Variants in EYS observed in about 807,000 individuals in gnomAD.
The protein encoded by EYS is EGF-like photoreceptor maintenance factor.
Under a neutral mutation model 282.1 loss-of-function variants are expected in EYS, and 250 were observed. The ratio of observed to expected loss-of-function variants is 0.89; its 90% CI spans 0.80 to 0.98. EYS has a LOEUF of 0.98. Ranked by LOEUF, EYS falls within the 50% of genes least tolerant of loss-of-function variation. The pLI is 0.00. For missense variants in EYS, 4,016 were observed against 3,709.0 expected (o/e 1.08, Z -2.15); for synonymous variants, 1,355 against 1,282.9 (o/e 1.06, Z -1.20).
intron 31 of EYS, among the ~76,000 whole-genome samples, chr6:64,112,747 C>G (rs1002329044): frequency 2.0e-5 from 3 of 148,504 alleles, no homozygotes; most frequent in Non-Finnish European, 4.5e-5. Context: ...TATATATCTT[C>G]TATATATCTA....
intron 29 of EYS, among the ~76,000 whole-genome samples, chr6:64,322,231 G>A (rs536925388): frequency 1.3e-5 from 2 of 151,988 alleles, no homozygotes; most frequent in Non-Finnish European, 2.9e-5. Flanking sequence ...CTCAGAAAAG[G>A]TGTGCTTTAA....
intron 6 of EYS, among the ~76,000 whole-genome samples, chr6:65,404,633 T>C (rs1347949791): frequency 1.3e-5 from 2 of 151,986 alleles, no homozygotes; most frequent in African/African-American, 4.8e-5. Context: ...CTGTATATTA[T>C]GTTCTATATA....
At chr6:64,079,948 T>G (rs1771906820) in intron 32 of EYS, among the ~76,000 whole-genome samples, 1 of 152,222 alleles carries the variant, frequency 6.6e-6, no homozygotes, top group South Asian at 2.1e-4. Context: ...TGTGCCACAT[T>G]TTCTTAATCC....
chr6:65,066,021 T>G (rs1029896917), intron 12 of EYS, among the ~76,000 whole-genome samples: 2 of 152,168 alleles, frequency 1.3e-5, no homozygotes, highest in Non-Finnish European at 2.9e-5. Flanking sequence ...CATCTTGGTT[T>G]AATTAGTTCA....
At chr6:64,265,455 A>G (rs1201845526) in intron 30 of EYS, among the ~76,000 whole-genome samples, 2 of 152,182 alleles carry the variant, frequency 1.3e-5, no homozygotes, top group African/African-American at 2.4e-5. Context: ...TTGACTTTGA[A>G]TGAAGTTTCT....
At chr6:65,025,865 A>G (rs1328547496) in intron 13 of EYS, among the ~76,000 whole-genome samples, 2 of 152,228 alleles carry the variant, frequency 1.3e-5, no homozygotes, top group Non-Finnish European at 2.9e-5. Flanking sequence ...GAGGACCATT[A>G]GAAAAAACTC....
intron 8 of EYS, among the ~76,000 whole-genome samples, chr6:65,367,203 A>G (rs1764945090): frequency 6.6e-6 from 1 of 151,496 alleles, no homozygotes; most frequent in South Asian, 2.1e-4. Flanking sequence ...TATTTGTGAA[A>G]CTCCTTCTAA....
At chr6:64,804,548 C>CT (rs955862988) in intron 22 of EYS, among the ~76,000 whole-genome samples, 7 of 152,034 alleles carry the variant, frequency 4.6e-5, no homozygotes, top group East Asian at 1.9e-4. Context: ...AAATTGTCTA[C>CT]TTTTTTTTCC....
intron 36 of EYS, among the ~76,000 whole-genome samples, chr6:63,825,491 T>C (rs1771435577): frequency 6.6e-6 from 1 of 152,174 alleles, no homozygotes; most frequent in Non-Finnish European, 1.5e-5. Context: ...ACAGAGTCCA[T>C]CGTGCCCTTC....
intron 26 of EYS, among the ~76,000 whole-genome samples, chr6:64,492,421 C>T (rs992969619): frequency 6.6e-6 from 1 of 150,824 alleles, no homozygotes; most frequent in African/African-American, 2.4e-5. Context: ...TGCCCCTTTG[C>T]TTACATATGG....
At chr6:64,632,477 C>T (rs746789908) in intron 22 of EYS, among the ~76,000 whole-genome samples, 10 of 151,862 alleles carry the variant, frequency 6.6e-5, no homozygotes, top group Non-Finnish European at 1.3e-4. Flanking sequence ...GGAATTTTTG[C>T]CTTGTTTTTA....
intron 12 of EYS, among the ~76,000 whole-genome samples, chr6:65,190,864 A>C (rs755146583): frequency 6.6e-6 from 1 of 151,846 alleles, no homozygotes; most frequent in Non-Finnish European, 1.5e-5. Flanking sequence ...GCATGATAAC[A>C]TGTAGGTGTG....
At chr6:63,863,866 G>A (rs961965174) in intron 36 of EYS, among the ~76,000 whole-genome samples, 2 of 151,820 alleles carry the variant, frequency 1.3e-5, no homozygotes, top group Non-Finnish European at 2.9e-5. Flanking sequence ...AGTAGAGACG[G>A]GGTTTCACCA....
In EYS at chr6:64,626,022, G is replaced by T. The variant is rs62415853; in HGVS notation, c.3568+99C>A. 87,782 of 672,178 alleles carry T rather than the reference G, an allele frequency of 0.13. 6,284 individuals carry two copies. The highest frequency in any genetic ancestry group is 0.15 in the Non-Finnish European group (61,604 of 412,664). The allele number at this position is 672,178 out of a possible 1,614,324, so 41.6% of individuals were successfully genotyped here. On this transcript the variant is annotated intron_variant, in intron 23 of 42. Coordinates refer to ENST00000503581, the MANE Select transcript of EYS (RefSeq NM_001142800.2). ...AGTCAACAATAGTATTGGTGGAGTG[G>T]ATTGTCAAAATTGTATTATACATAC...
chr6:64,018,127 C>T (rs577464238), intron 33 of EYS, among the ~76,000 whole-genome samples: 41 of 152,130 alleles, frequency 2.7e-4, no homozygotes, highest in Non-Finnish European at 5.6e-4. Flanking sequence ...CACACACATA[C>T]ACATATATAT....
At chr6:65,670,178 T>C (rs1212650918) in intron 1 of EYS, among the ~76,000 whole-genome samples, 1 of 152,038 alleles carries the variant, frequency 6.6e-6, no homozygotes, top group African/African-American at 2.4e-5. Context: ...CTAGTTTAGA[T>C]GCCTTCTAAT....
At chr6:65,578,097 A>G (rs1764738036) in intron 2 of EYS, among the ~76,000 whole-genome samples, 1 of 151,860 alleles carries the variant, frequency 6.6e-6, no homozygotes, top group African/African-American at 2.4e-5. Context: ...AAGAGTATGA[A>G]ATCAGTATGT....
At chr6:64,518,400 T>C (rs1170904094) in intron 26 of EYS, among the ~76,000 whole-genome samples, 1 of 151,798 alleles carries the variant, frequency 6.6e-6, no homozygotes, top group Non-Finnish European at 1.5e-5. Flanking sequence ...CATTTTCTGC[T>C]TTCTCATGCA....
At chr6:63,810,260 CA>C (rs368701336) in intron 36 of EYS, among the ~76,000 whole-genome samples, 1,651 of 53,746 alleles carry the variant, frequency 0.031, 21 homozygotes, top group South Asian at 0.14. Context: ...GATTCCATCT[CA>C]AAAAAAAAAA....
Sources: allele counts gnomAD v4.1 joint callset (sites outside exome capture counted in the v4.1 genomes callset), GRCh38; gene constraint gnomAD v4.1.1; transcripts MANE v1.5; gene names NCBI Gene and HGNC (gene_info 2026-07-23, HGNC 2026-07-21).